The following RALGAPA2 variants were observed in gnomAD, a reference collection of about 807,000 sequenced individuals.
RALGAPA2 encodes ral GTPase-activating protein subunit alpha-2.
Under a neutral mutation model 230.4 loss-of-function variants are expected in RALGAPA2, and 139 were observed. The observed-to-expected ratio is 0.60, with a 90% CI of 0.53 to 0.69. RALGAPA2 has a LOEUF of 0.69. RALGAPA2 is among the 30% of genes least tolerant of loss of function. The probability of loss-of-function intolerance (pLI) is 0.00; values close to 1 mark genes in which losing one functional copy is unlikely to be tolerated. For synonymous variants in RALGAPA2, 847 were observed against 837.8 expected (o/e 1.01, Z -0.19); for missense variants, 2,163 against 2,276.0 (o/e 0.95, Z 1.01).
chr20:20,484,209 T>C (rs1036779828), intron 36 of RALGAPA2, among the ~76,000 whole-genome samples: 1 of 152,230 alleles, frequency 6.6e-6, no homozygotes, highest in African/African-American at 2.4e-5. Context: ...GGAAAAACAA[T>C]AGTAGTCACA....
chr20:20,406,247 A>G (rs941773195), intron 38 of RALGAPA2, among the ~76,000 whole-genome samples: 1 of 152,134 alleles, frequency 6.6e-6, no homozygotes, highest in African/African-American at 2.4e-5. Context: ...GGACTCAAGC[A>G]TCGGTATCTT....
intron 37 of RALGAPA2, among the ~76,000 whole-genome samples, chr20:20,441,749 T>C (rs2060745895): frequency 6.6e-6 from 1 of 152,252 alleles, no homozygotes; most frequent in African/African-American, 2.4e-5. Flanking sequence ...TAGAGTCATT[T>C]AAATACTGCT....
intron 6 of RALGAPA2, among the ~76,000 whole-genome samples, chr20:20,640,422 G>C (rs980866547): frequency 2.0e-5 from 3 of 152,176 alleles, no homozygotes; most frequent in Non-Finnish European, 4.4e-5. Context: ...AACCAGTCCA[G>C]ACTTCCCATG....
chr20:20,432,042 T>C (rs1167478927), intron 37 of RALGAPA2, among the ~76,000 whole-genome samples: 1 of 152,182 alleles, frequency 6.6e-6, no homozygotes, highest in South Asian at 2.1e-4. Context: ...TATATTTTGG[T>C]CATTAAAGTC....
intron 2 of RALGAPA2, 59 bp downstream of exon 2, chr20:20,680,632 A>C: frequency 6.8e-7 from 1 of 1,477,848 alleles, no homozygotes; most frequent in Non-Finnish European, 8.9e-7. Context: ...GGCTCATGAT[A>C]TATACAACTT....
At chr20:20,677,490 C>T (rs748403602) in intron 2 of RALGAPA2, among the ~76,000 whole-genome samples, 7 of 151,784 alleles carry the variant, frequency 4.6e-5, no homozygotes, top group Admixed American at 2.6e-4. Context: ...AGCACACAAG[C>T]GGGACAGTTG....
At position 20,635,406 on chromosome 20, in the gene RALGAPA2, T is replaced by C. The variant is rs990364933; in HGVS notation, c.1005+12A>G. The stretch of plus-strand genomic sequence containing the variant: ...CAAGCATTAACAGATAAAAAGATGA[T>C]GGATGGCATACCTGGATGATTTTAG... On this transcript the variant is annotated intron_variant, in intron 9 of 39. Transcript: ENST00000202677. 7.6e-6 allele frequency: 12 copies of C among 1,577,178 alleles called. No homozygotes were observed. Among genetic ancestry groups the C allele is most frequent in the Non-Finnish European group, 1.0e-5 (12 of 1,159,192 alleles).
rs186474528 is a variant in RALGAPA2 at position 20,501,626 on chromosome 20, A to T, written c.5208+1725T>A. On this transcript the variant is annotated intron_variant, in intron 35 of 39. Transcript: ENST00000202677. ...GGCTATTTCGTTTTCTTTATCATTCATGTGTTCACTGGAGTAGCACTTTTA... is the reference window on the plus strand; with the variant it reads ...GGCTATTTCGTTTTCTTTATCATTCTTGTGTTCACTGGAGTAGCACTTTTA... 1.8e-4 allele frequency among the ~76,000 whole-genome samples: 28 copies of T among 152,344 alleles called. 1 individual carries two copies. The East Asian group carries it at 4.4e-3, about 24-fold the overall frequency.
chr20:20,648,820 G>A (rs1049439492), intron 4 of RALGAPA2, among the ~76,000 whole-genome samples: 5 of 152,138 alleles, frequency 3.3e-5, no homozygotes, highest in African/African-American at 1.2e-4. Context: ...TTTCCACAGA[G>A]GGAATGGTGG....
chr20:20,512,011 A>G (rs2062718893), intron 32 of RALGAPA2, among the ~76,000 whole-genome samples: 1 of 152,124 alleles, frequency 6.6e-6, no homozygotes, highest in Non-Finnish European at 1.5e-5. Context: ...GAACATGGTG[A>G]AACCCCGTCT....
chr20:20,482,330 A>AG (rs1420010729), intron 36 of RALGAPA2, among the ~76,000 whole-genome samples: 3 of 152,238 alleles, frequency 2.0e-5, no homozygotes, highest in African/African-American at 7.2e-5. Flanking sequence ...AGAAGGCAAA[A>AG]GGGAAAAAAA....
At chr20:20,466,289 AT>A (rs1328692681) in intron 37 of RALGAPA2, among the ~76,000 whole-genome samples, 1 of 152,206 alleles carries the variant, frequency 6.6e-6, no homozygotes, top group Non-Finnish European at 1.5e-5. Context: ...GACAAACTCA[AT>A]TTTTAGTTTA....
intron 10 of RALGAPA2, among the ~76,000 whole-genome samples, chr20:20,624,057 T>C (rs1375856192): frequency 6.6e-6 from 1 of 152,000 alleles, no homozygotes; most frequent in Non-Finnish European, 1.5e-5. Context: ...CTGGACGCGG[T>C]AGCTCAGGCC....
chr20:20,455,461 G>C (rs973043194), intron 37 of RALGAPA2, among the ~76,000 whole-genome samples: 1 of 152,186 alleles, frequency 6.6e-6, no homozygotes, highest in African/African-American at 2.4e-5. Flanking sequence ...CTGTCAGCTG[G>C]TCACGAGATC....
intron 37 of RALGAPA2, among the ~76,000 whole-genome samples, chr20:20,448,299 C>T (rs560989883): frequency 6.6e-6 from 1 of 152,234 alleles, no homozygotes; most frequent in East Asian, 1.9e-4. Context: ...GTAGTTTAAT[C>T]TCAATGTTAA....
chr20:20,464,363 C>G (rs1048413655), intron 37 of RALGAPA2, among the ~76,000 whole-genome samples: 1 of 152,014 alleles, frequency 6.6e-6, no homozygotes, highest in African/African-American at 2.4e-5. Flanking sequence ...TATGTGTATA[C>G]AATTTACATA....
intron 20 of RALGAPA2, among the ~76,000 whole-genome samples, chr20:20,578,379 G>C (rs2064884774): frequency 6.6e-6 from 1 of 151,976 alleles, no homozygotes; most frequent in African/African-American, 2.4e-5. Context: ...TTTTTCATTA[G>C]CAGCCTAGTA....
chr20:20,395,741 C>T (rs2059700743), intron 39 of RALGAPA2, among the ~76,000 whole-genome samples: 1 of 152,204 alleles, frequency 6.6e-6, no homozygotes, highest in African/African-American at 2.4e-5. Flanking sequence ...GGCTGCTCCT[C>T]TGGCCTGCAG....
chr20:20,684,117 C>T (rs13044982), intron 1 of RALGAPA2, among the ~76,000 whole-genome samples: 22,188 of 152,174 alleles, frequency 0.15, 1,929 homozygotes, highest in East Asian at 0.3. Flanking sequence ...TTTTAATCAA[C>T]AGGTCTCCTC....
Sources: gnomAD v4.1 joint callset for allele counts (sites outside exome capture counted in the v4.1 genomes callset) on GRCh38, gnomAD v4.1.1 for gene constraint, MANE v1.5 for transcripts, NCBI Gene and HGNC (gene_info 2026-07-23, HGNC 2026-07-21) for gene names.